Variants in FMN2 observed in about 807,000 individuals in gnomAD.
The protein encoded by FMN2 is formin-2.
In FMN2, 51 loss-of-function variants were observed where a neutral mutation model predicts 142.3. The ratio of observed to expected loss-of-function variants is 0.36; its 90% CI spans 0.29 to 0.45. The LOEUF is 0.45. Among genes scored for constraint, FMN2 ranks in the 20% least tolerant of loss-of-function variants. The pLI is 1.00. For missense variants in FMN2, 1,936 were observed against 2,122.8 expected, an observed-to-expected ratio of 0.91 and a Z score of 1.73; for synonymous variants, 882 against 869.8, an observed-to-expected ratio of 1.01 and a Z score of -0.25.
chr1:240,357,684 T>C (rs1361360520), intron 14 of FMN2, among the ~76,000 whole-genome samples: 1 of 151,552 alleles, frequency 6.6e-6, no homozygotes, highest in East Asian at 1.9e-4. Flanking sequence ...CTCAGCTGGC[T>C]GCAACCTCCA....
intron 4 of FMN2, among the ~76,000 whole-genome samples, chr1:240,193,012 G>A (rs914984617): frequency 1.3e-5 from 2 of 152,196 alleles, no homozygotes; most frequent in Non-Finnish European, 1.5e-5. Flanking sequence ...AGATGAGAAT[G>A]TGAAGAAATA....
At chr1:240,359,296 A>G (rs1672383163) in intron 14 of FMN2, among the ~76,000 whole-genome samples, 1 of 152,192 alleles carries the variant, frequency 6.6e-6, no homozygotes, top group Admixed American at 6.5e-5. Context: ...TTCATCAATA[A>G]TAGTATTCTT....
intron 16 of FMN2, among the ~76,000 whole-genome samples, chr1:240,439,363 T>A (rs1278353121): frequency 2.6e-5 from 4 of 152,182 alleles, no homozygotes; most frequent in African/African-American, 9.7e-5. Context: ...ATTGTCTTCA[T>A]TTTGGTCTGC....
chr1:240,152,698 C>G (rs12044634), intron 2 of FMN2, among the ~76,000 whole-genome samples: 14,443 of 152,222 alleles, frequency 0.095, 905 homozygotes, highest in African/African-American at 0.18. Flanking sequence ...GAATACCAAT[C>G]TATGAAATTC....
intron 15 of FMN2, among the ~76,000 whole-genome samples, chr1:240,422,215 G>C (rs1203720649): frequency 6.6e-6 from 1 of 152,138 alleles, no homozygotes; most frequent in South Asian, 2.1e-4. Flanking sequence ...TTGCAGTATG[G>C]TGTTGGCTAT....
chr1:240,472,519 A>G (rs1676845375), intron 17 of FMN2, 66 bp downstream of exon 17: 9 of 993,476 alleles, frequency 9.1e-6, no homozygotes, highest in Non-Finnish European at 1.2e-5. Context: ...CATAATATAT[A>G]CAAACTCATA....
chr1:240,195,114 T>G (rs1665863216), intron 4 of FMN2, among the ~76,000 whole-genome samples: 1 of 152,200 alleles, frequency 6.6e-6, no homozygotes, highest in Non-Finnish European at 1.5e-5. Context: ...TGGATTTGCA[T>G]GTATTTGCGA....
chr1:240,277,379 TC>T (rs1669249946), intron 7 of FMN2, among the ~76,000 whole-genome samples: 2 of 151,768 alleles, frequency 1.3e-5, no homozygotes, highest in Admixed American at 1.3e-4. Flanking sequence ...GTCTAAACTC[TC>T]CCGGACTCTA....
rs35262264 is a variant in FMN2, at chr1:240,187,102, CAA to C, written c.1931-1088_1931-1087del. ...CAACATGGTGAAACCCCGTCTGTACCAAAAAAAAAAAAAAAAAATTAGCTGGG... is the reference window on the plus strand; with the variant it reads ...CAACATGGTGAAACCCCGTCTGTACCAAAAAAAAAAAAAAAATTAGCTGGG... On this transcript the variant is annotated intron_variant, in intron 3 of 17. Coordinates refer to ENST00000319653, the MANE Select transcript of FMN2 (RefSeq NM_020066.5). Among the ~76,000 whole-genome samples the C allele has an allele frequency of 6.1e-3, 718 of 117,328 alleles. 6 individuals carry two copies. The highest frequency in any genetic ancestry group is 0.018 in the African/African-American group (567 of 31,700). 77.0% of individuals were successfully genotyped at this position (117,328 alleles called of 152,430 possible).
At chr1:240,420,493 C>T (rs750554236) in intron 15 of FMN2, among the ~76,000 whole-genome samples, 5 of 152,178 alleles carry the variant, frequency 3.3e-5, no homozygotes, top group Non-Finnish European at 5.9e-5. Context: ...GCTGGGTCTT[C>T]CAGGGATGTC....
At chr1:240,297,213 G>T (rs1209845964) in intron 8 of FMN2, among the ~76,000 whole-genome samples, 2 of 152,116 alleles carry the variant, frequency 1.3e-5, no homozygotes, top group Non-Finnish European at 2.9e-5. Context: ...ATCTAGGAAT[G>T]AATGTCTTAT....
At chr1:240,263,020 A>C (rs1668683630) in intron 7 of FMN2, among the ~76,000 whole-genome samples, 1 of 151,924 alleles carries the variant, frequency 6.6e-6, no homozygotes, top group Admixed American at 6.6e-5. Context: ...CAGCCTCCCA[A>C]AGTGCTGGGA....
chr1:240,184,688 G>A (rs1665323782), intron 3 of FMN2, among the ~76,000 whole-genome samples: 1 of 151,940 alleles, frequency 6.6e-6, no homozygotes, highest in Non-Finnish European at 1.5e-5. Context: ...GTCTGTCCTA[G>A]AGCTGGGTTT....
At chr1:240,168,008 G>A (rs984024499) in intron 2 of FMN2, among the ~76,000 whole-genome samples, 5 of 152,062 alleles carry the variant, frequency 3.3e-5, no homozygotes, top group African/African-American at 4.8e-5. Context: ...CCAAGATTGC[G>A]CCACCGCACT....
Position 240,211,132 on chromosome 1 carries a change from C to G in FMN2, c.3962C>G (p.Pro1321Arg). The change falls in exon 6 of 18, where the codon CCA becomes CGA. Residue 1321 changes from proline (P) to arginine (R), a missense_variant. Pro to Arg is a moderately radical substitution (Grantham distance 103). This residue lies in a region of FMN2 where 259 missense variants were observed against 230.9 expected (regional missense o/e 1.12). Coordinates refer to ENST00000319653, the MANE Select transcript of FMN2 (RefSeq NM_020066.5). ...CTTATTTGGGAAAAAATTGAAGAGC[C>G]ATCCATAGATTGTCATGAATTTGAG... is the stretch of plus-strand genomic sequence containing the variant. Reference protein sequence around the residue: ...TSLIWEKIEEPSIDCHEFEEL... With the variant: ...TSLIWEKIEERSIDCHEFEEL... 6.2e-7 allele frequency: 1 copy of G among 1,613,174 alleles called. No homozygotes were observed. The highest frequency in any genetic ancestry group is 1.1e-5 in the South Asian group (1 of 90,954).
Position 240,093,609 on chromosome 1 carries a change from G to A in FMN2, c.1500G>A (p.Ala500=). 7.0e-7 allele frequency: 1 copy of A among 1,429,442 alleles called. No homozygotes were observed. The highest frequency in any genetic ancestry group is 1.6e-5 in the South Asian group (1 of 64,212). The allele number at this position is 1,429,442 out of a possible 1,614,324, so 88.5% of individuals were successfully genotyped here. The change falls in exon 1 of 18, where the codon GCG becomes GCA. Residue 500 remains alanine, a synonymous_variant. Coordinates refer to ENST00000319653, the MANE Select transcript of FMN2 (RefSeq NM_020066.5). The part of the protein sequence containing the change: ...GARTPRVGGS[A]HLLERGVASD... ...GCACGCCCCGGGTGGGAGGCTCCGC[G>A]CACCTGCTGGAGCGCGGGGTGGCGA...
intron 16 of FMN2, among the ~76,000 whole-genome samples, chr1:240,447,333 T>C (rs1675859019): frequency 6.6e-6 from 1 of 152,144 alleles, no homozygotes; most frequent in Non-Finnish European, 1.5e-5. Context: ...TATATTTCAA[T>C]ATAGGACCTA....
At chr1:240,294,907 G>A in intron 8 of FMN2, 24 bp downstream of exon 8, 4 of 1,597,232 alleles carry the variant, frequency 2.5e-6, no homozygotes, top group Non-Finnish European at 3.4e-6. Context: ...GGAATTTTAT[G>A]TGTGAGTATA....
rs545480526 is a variant in FMN2, at chr1:240,464,221, C to T, written c.5061-8151C>T. ...TTGGTTTAAAATGAGTGCACAGCAG[C>T]GTTCATCCACACCCATCATTACTAA... On this transcript the variant is annotated intron_variant, in intron 16 of 17. Transcript: ENST00000319653. Among the ~76,000 whole-genome samples, 4 of 152,174 alleles carry T rather than the reference C, an allele frequency of 2.6e-5. No individual in the cohort carries two copies. In the South Asian group the frequency reaches 6.2e-4, roughly 24 times the overall value.
Sources: gnomAD v4.1 joint callset for allele counts (sites outside exome capture counted in the v4.1 genomes callset) on GRCh38, gnomAD v4.1.1 for gene constraint, gnomAD v4.1.1 regional missense constraint, MANE v1.5 for transcripts, NCBI Gene and HGNC (gene_info 2026-07-23, HGNC 2026-07-21) for gene names.